The following MPP3 variants were observed in gnomAD, a reference collection of about 807,000 sequenced individuals.
The protein encoded by MPP3 is MAGUK p55 subfamily member 3.
A neutral mutation model predicts 80.7 loss-of-function variants in MPP3; 48 were observed. The ratio of observed to expected loss-of-function variants is 0.59; its 90% CI spans 0.47 to 0.76. The LOEUF is 0.76. Ranked by LOEUF, MPP3 falls within the 30% of genes least tolerant of loss-of-function variation. The probability of loss-of-function intolerance (pLI) is 0.00; values close to 1 mark genes in which losing one functional copy is unlikely to be tolerated. For missense variants in MPP3, 620 were observed against 763.0 expected (o/e 0.81, Z 2.21); for synonymous variants, 311 against 297.6 (o/e 1.04, Z -0.46).
chr17:43,815,348 A>C (rs999147886), intron 14 of MPP3, among the ~76,000 whole-genome samples: 5 of 152,148 alleles, frequency 3.3e-5, no homozygotes, highest in African/African-American at 1.2e-4. Context: ...TAAGTTTAAA[A>C]AAAGTTTAAA....
At chr17:43,831,181 G>T in intron 5 of MPP3, 63 bp downstream of exon 5, 1 of 1,512,354 alleles carries the variant, frequency 6.6e-7, no homozygotes. Flanking sequence ...AGCGAGGCAA[G>T]ATGAAGGAGC....
Position 43,814,050 on chromosome 17 carries a change from C to CCA in MPP3, c.1214_1215dup (p.Val406TrpfsTer84). On this transcript the variant is annotated frameshift_variant, in exon 16 of 20. Coordinates refer to ENST00000398389, the MANE Select transcript of MPP3 (RefSeq NM_001932.6). LOFTEE classifies it high-confidence loss of function. ...CCAAAGTGCTGTGGGTTCTCAGCCA[C>CCA]CACCTTTTGCTTCAGCTCGTGCAGT... is the stretch of plus-strand genomic sequence containing the variant. The CCA allele has an allele frequency of 6.2e-7, 1 of 1,613,618 alleles. No individual in the cohort carries two copies. The highest frequency in any genetic ancestry group is 8.5e-7 in the Non-Finnish European group (1 of 1,179,660).
Position 43,814,380 on chromosome 17 carries a change from G to A in MPP3, c.1010-19C>T, listed in dbSNP as rs748303685. 1.3e-6 allele frequency: 2 copies of A among 1,581,492 alleles called. No individual in the cohort carries two copies. The highest frequency in any genetic ancestry group is 2.3e-5 in the South Asian group (2 of 87,842). On this transcript the variant is annotated intron_variant, in intron 14 of 19. Transcript: ENST00000398389. ...AGACCAGCTTGGGAGGAGGGGCAGA[G>A]GGACACCATGGCATTTGTCCCAGTT...
rs200522404 is a variant in MPP3 at position 43,831,279 on chromosome 17, G to C, written c.187C>G (p.Pro63Ala). The C allele has an allele frequency of 3.7e-6, 6 of 1,613,930 alleles. No homozygotes were observed. The highest frequency in any genetic ancestry group is 5.1e-6 in the Non-Finnish European group (6 of 1,180,040). Residue 63 changes from proline to alanine, a missense_variant, in exon 5 of 20, where the codon CCA becomes GCA. Pro to Ala is a conservative substitution (Grantham distance 27). Coordinates refer to ENST00000398389, the MANE Select transcript of MPP3 (RefSeq NM_001932.6). ...AGGGCCACAGCGCTGTGCAGAACTGGGGTTGGACTTTGCCTTTCATAATAG... is the reference window on the plus strand; with the variant it reads ...AGGGCCACAGCGCTGTGCAGAACTGCGGTTGGACTTTGCCTTTCATAATAG... ...LRYYERQSPTPVLHSAVALAE... is the reference protein window; with the variant it reads ...LRYYERQSPTAVLHSAVALAE...
Position 43,811,255 on chromosome 17 carries a change from C to T in MPP3, c.1256-50G>A, listed in dbSNP as rs143495166. 10,153 of 1,436,454 alleles carry T rather than the reference C, an allele frequency of 7.1e-3. 44 individuals are homozygous for T. Among genetic ancestry groups the T allele is most frequent in the Non-Finnish European group, 8.2e-3 (8,385 of 1,021,172 alleles). The allele number at this position is 1,436,454 out of a possible 1,614,324, so 89.0% of individuals were successfully genotyped here. ...GGCAAAGAGATGTCACATCACAGCA[C>T]GCAGGGACAGCAGCAGGCTTAGGCA... is the stretch of plus-strand genomic sequence containing the variant. On this transcript the variant is annotated intron_variant, in intron 16 of 19. Transcript: ENST00000398389.
rs143665611 is a variant in MPP3 at position 43,801,372 on chromosome 17, G to A, written c.*329C>T. On this transcript the variant is annotated 3_prime_UTR_variant, in exon 20 of 20. Coordinates refer to ENST00000398389, the MANE Select transcript of MPP3 (RefSeq NM_001932.6). ...CTTAAACATTCTGCGAATCAGTACTGTATAAATTAACCACTACCACCCACA... is the reference window on the plus strand; with the variant it reads ...CTTAAACATTCTGCGAATCAGTACTATATAAATTAACCACTACCACCCACA... The A allele has an allele frequency of 2.0e-5, 6 of 304,848 alleles. No individual in the cohort carries two copies. The highest frequency in any genetic ancestry group is 2.5e-5 in the Non-Finnish European group (4 of 162,676). 18.9% of individuals were successfully genotyped at this position (304,848 alleles called of 1,614,324 possible). A position where few individuals can be genotyped will look rare whatever the true frequency, so the allele number is the denominator to read the frequency against.
intron 8 of MPP3, among the ~76,000 whole-genome samples, chr17:43,826,830 A>ATTTTTTTTTTTTTTTTTTTTTTT: frequency 7.3e-6 from 1 of 137,674 alleles, no homozygotes; most frequent in Non-Finnish European, 1.5e-5. Flanking sequence ...ATATATATAT[A>ATTTTTTTTTTTTTTTTTTTTTTT]TTTTTTTTTT....
In MPP3 at chr17:43,811,223, A is replaced by G; in HGVS notation, c.1256-18T>C. 1 of 1,593,740 alleles carries G rather than the reference A, an allele frequency of 6.3e-7. No homozygotes were observed. Among genetic ancestry groups the G allele is most frequent in the East Asian group, 2.2e-5 (1 of 44,790 alleles). ...GGTGGTATCTTTTAAAGAAAGAAGG[A>G]AAGCTGGGCAAAGAGATGTCACATC... is the stretch of plus-strand genomic sequence containing the variant. On this transcript the variant is annotated intron_variant, in intron 16 of 19. Coordinates refer to ENST00000398389, the MANE Select transcript of MPP3 (RefSeq NM_001932.6).
chr17:43,824,727 G>A (rs969491785), intron 9 of MPP3, among the ~76,000 whole-genome samples: 2 of 152,130 alleles, frequency 1.3e-5, no homozygotes, highest in African/African-American at 4.8e-5. Flanking sequence ...AGGACTGAAG[G>A]GCCTGCCTGC....
At chr17:43,824,471 C>T (rs2045605847) in intron 9 of MPP3, among the ~76,000 whole-genome samples, 1 of 152,144 alleles carries the variant, frequency 6.6e-6, no homozygotes, top group African/African-American at 2.4e-5. Flanking sequence ...TTAATACTTC[C>T]CTCTTTGCTT....
intron 8 of MPP3, among the ~76,000 whole-genome samples, chr17:43,827,012 TTTTC>T (rs2045733755): frequency 7.6e-6 from 1 of 131,788 alleles, no homozygotes; most frequent in South Asian, 2.2e-4. Flanking sequence ...TATATTTTCT[TTTTC>T]TTTTTTTCTT....
rs941964518 is a variant in MPP3 at position 43,815,989 on chromosome 17, C to T, written c.1009+49G>A. On this transcript the variant is annotated intron_variant, in intron 14 of 19. Coordinates refer to ENST00000398389, the MANE Select transcript of MPP3 (RefSeq NM_001932.6). ...CTTTGACCTCTCCCTAACTCTGGGG[C>T]CTTGGGTGGGGCAGGTCGTGCATGT... 4.1e-5 allele frequency: 60 copies of T among 1,451,494 alleles called. No homozygotes were observed. In the East Asian group the frequency reaches 1.5e-3, roughly 37 times the overall value. The allele number at this position is 1,451,494 out of a possible 1,614,324, so 89.9% of individuals were successfully genotyped here. A position where few individuals can be genotyped will look rare whatever the true frequency, so the allele number is the denominator to read the frequency against.
intron 3 of MPP3, 43 bp downstream of exon 3, chr17:43,831,839 G>T: frequency 1.3e-6 from 2 of 1,568,332 alleles, no homozygotes; most frequent in Non-Finnish European, 8.6e-7. Context: ...GCAGGCTCTT[G>T]TCTTCAGGAC....
intron 19 of MPP3, among the ~76,000 whole-genome samples, chr17:43,808,325 T>C (rs1037031813): frequency 2.6e-5 from 4 of 152,176 alleles, no homozygotes; most frequent in African/African-American, 9.7e-5. Flanking sequence ...CAACTCATTC[T>C]GCTAACTGAC....
chr17:43,817,390 A>G (rs1045168626), intron 12 of MPP3, among the ~76,000 whole-genome samples: 1 of 152,222 alleles, frequency 6.6e-6, no homozygotes, highest in African/African-American at 2.4e-5. Context: ...CATGTTTTCT[A>G]AAGTGTAAAG....
In MPP3 at chr17:43,801,823, C is replaced by T. The variant is rs780567255; in HGVS notation, c.1636G>A (p.Gly546Arg). ...ASAAFIDRHY[G>R]HLVDAVLVKE... ...ACCAGCACGGCGTCTACCAGGTGCC[C>T]GTAATGCCGGTCTATGAAGGCGGCA... Residue 546 changes from glycine to arginine, a missense_variant, in exon 20 of 20, where the codon GGG becomes AGG. Physicochemically the swap from Gly to Arg is moderately radical, Grantham distance 125. Coordinates refer to ENST00000398389, the MANE Select transcript of MPP3 (RefSeq NM_001932.6). 9 of 1,614,004 alleles carry T rather than the reference C, an allele frequency of 5.6e-6. No homozygotes were observed. The highest frequency in any genetic ancestry group is 2.2e-5 in the East Asian group (1 of 44,876).
chr17:43,812,138 T>C (rs188853653), intron 16 of MPP3, among the ~76,000 whole-genome samples: 1 of 152,272 alleles, frequency 6.6e-6, no homozygotes, highest in East Asian at 1.9e-4. Context: ...ACACATGGTG[T>C]TTTCTCATTG....
In MPP3 at chr17:43,824,585, T is replaced by C. The variant is rs565330182; in HGVS notation, c.610-580A>G. ...TGCCAGGGGCCCAACAAAGGAAGAATGCAGTCGGACCAGGACAGCAGGGCC... is the reference window on the plus strand; with the variant it reads ...TGCCAGGGGCCCAACAAAGGAAGAACGCAGTCGGACCAGGACAGCAGGGCC... On this transcript the variant is annotated intron_variant, in intron 9 of 19. Transcript: ENST00000398389. Among the ~76,000 whole-genome samples, 642 of 152,136 alleles carry C rather than the reference T, an allele frequency of 4.2e-3. 5 individuals are homozygous for C. Among genetic ancestry groups the C allele is most frequent in the African/African-American group, 0.013 (551 of 41,492 alleles).
At chr17:43,815,247 G>A (rs2045058568) in intron 14 of MPP3, among the ~76,000 whole-genome samples, 1 of 152,104 alleles carries the variant, frequency 6.6e-6, no homozygotes, top group Non-Finnish European at 1.5e-5. Flanking sequence ...GGGAAGAATC[G>A]CTTGAGCCTG....
Sources: allele counts gnomAD v4.1 joint callset (sites outside exome capture counted in the v4.1 genomes callset), GRCh38; gene constraint gnomAD v4.1.1; transcripts MANE v1.5; gene names NCBI Gene and HGNC (gene_info 2026-07-23, HGNC 2026-07-21).